Variants in ZXDC observed in about 807,000 individuals in gnomAD.
The protein encoded by ZXDC is zinc finger protein ZXDC.
ZXDC carries 58 observed loss-of-function variants against 63.6 expected under a neutral mutation model. That is an observed-to-expected ratio of 0.91 (90% CI 0.74 to 1.13). ZXDC has a LOEUF of 1.13. ZXDC is among the 50% of genes most tolerant of loss of function. The probability of loss-of-function intolerance (pLI) is 0.00; values close to 1 mark genes in which losing one functional copy is unlikely to be tolerated. For missense variants in ZXDC, 1,133 were observed against 1,148.9 expected (o/e 0.99, Z 0.20); for synonymous variants, 561 against 496.1 (o/e 1.13, Z -1.74).
intron 6 of ZXDC, 106 bp from the exon 7 acceptor site, chr3:126,459,843 C>A (rs931610961): frequency 7.6e-6 from 12 of 1,586,354 alleles, no homozygotes; most frequent in Non-Finnish European, 1.0e-5. Flanking sequence ...TATCCGAGCT[C>A]CCAAAACCAG....
At chr3:126,441,994 T>C in intron 7 of ZXDC, 48 bp from the exon 8 acceptor site, 1 of 1,540,356 alleles carries the variant, frequency 6.5e-7, no homozygotes, top group Non-Finnish European at 8.7e-7. Context: ...AATCTACCAG[T>C]CAGGTCTGCC....
chr3:126,452,055 A>C, intron 7 of ZXDC: 9 of 985,298 alleles, frequency 9.1e-6, no homozygotes, highest in Non-Finnish European at 9.6e-6. Flanking sequence ...CTAAAAGGCC[A>C]GCATTCACCT....
rs1158403176 is a variant in ZXDC at position 126,475,220 on chromosome 3, C to G, written c.646G>C (p.Gly216Arg). 1 of 1,573,768 alleles carries G rather than the reference C, an allele frequency of 6.4e-7. No individual in the cohort carries two copies. Among genetic ancestry groups the G allele is most frequent in the Non-Finnish European group, 8.6e-7 (1 of 1,159,552 alleles). ...RPFKCPLEGC[G>R]WAFTTSYKLK... Reference sequence around the variant, plus strand: ...TTGTAGGACGTTGTGAAGGCCCAACCACAGCCCTCCAGTGGGCACTTGAAG... The same window carrying G: ...TTGTAGGACGTTGTGAAGGCCCAACGACAGCCCTCCAGTGGGCACTTGAAG... Residue 216 changes from glycine (G) to arginine (R), a missense_variant, in exon 1 of 10, where the codon GGT (glycine) becomes CGT (arginine). Transcript: ENST00000389709.
At chr3:126,444,591 A>T (rs1368380228) in intron 7 of ZXDC, among the ~76,000 whole-genome samples, 2 of 152,186 alleles carry the variant, frequency 1.3e-5, no homozygotes, top group Non-Finnish European at 2.9e-5. Flanking sequence ...GCAGGCAGTG[A>T]ATAGTGTATC....
intron 7 of ZXDC, chr3:126,457,234 G>T: frequency 3.1e-6 from 3 of 982,448 alleles, no homozygotes; most frequent in Non-Finnish European, 2.4e-6. Context: ...GATAAATGCA[G>T]CATGAGTATG....
Position 126,475,491 on chromosome 3 carries a change from C to T in ZXDC, c.375G>A (p.Pro125=), listed in dbSNP as rs1344523218. 9.0e-6 allele frequency: 11 copies of T among 1,221,018 alleles called. No homozygotes were observed. Among genetic ancestry groups the T allele is most frequent in the Non-Finnish European group, 1.1e-5 (11 of 983,002 alleles). The allele number at this position is 1,221,018 out of a possible 1,614,324, so 75.6% of individuals were successfully genotyped here. Residue 125 remains proline, a synonymous_variant, in exon 1 of 10, where the codon CCG becomes CCA. Transcript: ENST00000389709. ...GGCTGCTGATGGTGACGGCGCCCGC[C>T]GGGGCTACGCCAGGGCCGGGGGGGG... is the stretch of plus-strand genomic sequence containing the variant. ...PAAPPGPGVA[P]AGAVTISSQD...
rs1197621591 is a variant in ZXDC, at chr3:126,454,966, T to C, written c.2212+4687A>G. On this transcript the variant is annotated intron_variant, in intron 7 of 9. Transcript: ENST00000389709. ...GGATTTCAAATGCTATTGCTCAGAC[T>C]GTACATTTCCTAAGAACTGACGTGT... 9 of 985,350 alleles carry C rather than the reference T, an allele frequency of 9.1e-6. No individual in the cohort carries two copies. In the South Asian group the frequency reaches 3.3e-4, roughly 36 times the overall value. The allele number at this position is 985,350 out of a possible 1,614,324, so 61.0% of individuals were successfully genotyped here. A position where few individuals can be genotyped will look rare whatever the true frequency, so the allele number is the denominator to read the frequency against.
chr3:126,472,584 C>CT (rs1443953747), intron 1 of ZXDC, among the ~76,000 whole-genome samples: 1 of 152,202 alleles, frequency 6.6e-6, no homozygotes, highest in Non-Finnish European at 1.5e-5. Flanking sequence ...TCACAGCCAT[C>CT]TACTGGCCGG....
At chr3:126,466,100 G>C in intron 5 of ZXDC, 55 bp downstream of exon 5, 1 of 1,569,070 alleles carries the variant, frequency 6.4e-7, no homozygotes, top group Non-Finnish European at 8.7e-7. Context: ...CACTGGCACT[G>C]TTCCCGTTTC....
At chr3:126,444,531 C>CAA (rs541578944) in intron 7 of ZXDC, among the ~76,000 whole-genome samples, 6 of 133,878 alleles carry the variant, frequency 4.5e-5, no homozygotes, top group African/African-American at 1.6e-4. Flanking sequence ...GACTCCCTCT[C>CAA]AAAAAAAAAA....
chr3:126,442,023 T>G (rs1933701572), intron 7 of ZXDC, 77 bp from the exon 8 acceptor site: 16 of 1,418,700 alleles, frequency 1.1e-5, no homozygotes, highest in Non-Finnish European at 1.5e-5. Flanking sequence ...GGTCTCACTA[T>G]GGGGAAGACA....
chr3:126,451,755 G>C, intron 7 of ZXDC: 11 of 985,354 alleles, frequency 1.1e-5, no homozygotes, highest in Non-Finnish European at 1.3e-5. Context: ...TGTTACTGGT[G>C]ATCTGGAAAG....
At chr3:126,469,529 C>G (rs1035019598) in intron 4 of ZXDC, among the ~76,000 whole-genome samples, 1 of 152,174 alleles carries the variant, frequency 6.6e-6, no homozygotes, top group South Asian at 2.1e-4. Context: ...TTAAGGCCCC[C>G]GTCCAGGCCA....
At chr3:126,474,822 G>A (rs1935117710) in intron 1 of ZXDC, 137 bp downstream of exon 1, 1 of 1,038,360 alleles carries the variant, frequency 9.6e-7, no homozygotes, top group East Asian at 2.6e-5. Context: ...TGACATGGAA[G>A]GAGCTAGAAT....
intron 5 of ZXDC, among the ~76,000 whole-genome samples, chr3:126,464,077 C>T (rs1687462): frequency 0.5 from 76,478 of 152,068 alleles, 21,242 homozygotes; most frequent in Non-Finnish European, 0.62. Context: ...CCTTGACTCT[C>T]TTGAGGACTC....
chr3:126,475,477 G>C lies in ZXDC; in HGVS notation c.389C>G (p.Thr130Ser). 3 of 1,213,916 alleles carry C rather than the reference G, an allele frequency of 2.5e-6. No individual in the cohort carries two copies. Among genetic ancestry groups the C allele is most frequent in the Non-Finnish European group, 3.1e-6 (3 of 978,612 alleles). 75.2% of individuals were successfully genotyped at this position (1,213,916 alleles called of 1,614,324 possible). A position where few individuals can be genotyped will look rare whatever the true frequency, so the allele number is the denominator to read the frequency against. ...GPGVAPAGAV[T>S]ISSQDLLVRL... is the part of the protein sequence containing the mutation. The stretch of plus-strand genomic sequence containing the variant: ...CACCAGCAGGTCCTGGCTGCTGATG[G>C]TGACGGCGCCCGCCGGGGCTACGCC... The change falls in exon 1 of 10, where the codon ACC becomes AGC. Residue 130 changes from threonine (T) to serine (S), a missense_variant. Transcript: ENST00000389709.
At chr3:126,447,277 C>T (rs948616716) in intron 7 of ZXDC, among the ~76,000 whole-genome samples, 1 of 152,226 alleles carries the variant, frequency 6.6e-6, no homozygotes, top group African/African-American at 2.4e-5. Context: ...GGACCTTACC[C>T]ATTCAGAGCA....
intron 8 of ZXDC, chr3:126,440,085 A>C (rs1933618446): frequency 1.8e-6 from 2 of 1,082,554 alleles, no homozygotes; most frequent in Non-Finnish European, 2.2e-6. Flanking sequence ...TTGTGTACCC[A>C]GAGTGCTCTC....
Position 126,475,078 on chromosome 3 carries a change from T to A in ZXDC, c.788A>T (p.Glu263Val). 6.2e-7 allele frequency: 1 copy of A among 1,607,658 alleles called. No individual in the cohort carries two copies. The highest frequency in any genetic ancestry group is 8.5e-7 in the Non-Finnish European group (1 of 1,177,062). The change falls in exon 1 of 10, where the codon GAG becomes GTG. Residue 263 changes from glutamate to valine, a missense_variant. By Grantham distance (121) the Glu-to-Val change is moderately radical. Transcript: ENST00000389709. ...CTCGCACTTGAACAGGCTCTCCTGC[T>A]CGTGGCCCTTCATGTGCGCCTTGAG... is the stretch of plus-strand genomic sequence containing the variant. ...YNLKAHMKGH[E>V]QESLFKCEVC...
Sources: gnomAD v4.1 joint callset for allele counts (sites outside exome capture counted in the v4.1 genomes callset) on GRCh38, gnomAD v4.1.1 for gene constraint, MANE v1.5 for transcripts, NCBI Gene and HGNC (gene_info 2026-07-23, HGNC 2026-07-21) for gene names.